Variants in CCSER1 observed in about 807,000 individuals in gnomAD.
The protein encoded by CCSER1 is coiled-coil serine rich protein 1, also known as serine-rich coiled-coil domain-containing protein 1.
A neutral mutation model predicts 82.0 loss-of-function variants in CCSER1; 41 were observed. The ratio of observed to expected loss-of-function variants is 0.50; its 90% confidence interval spans 0.39 to 0.65. CCSER1 has a LOEUF of 0.65. Among genes scored for constraint, CCSER1 ranks in the 30% least tolerant of loss-of-function variants. The pLI, the probability that CCSER1 is intolerant of heterozygous loss-of-function variation, is 0.00. For synonymous variants in CCSER1, 414 were observed against 383.9 expected, an observed-to-expected ratio of 1.08 and a Z score of -0.92; for missense variants, 1,119 against 1,064.2, an observed-to-expected ratio of 1.05 and a Z score of -0.72.
intron 3 of CCSER1, among the ~76,000 whole-genome samples, chr4:90,320,222 GA>G (rs1736894696): frequency 6.6e-6 from 1 of 152,108 alleles, no homozygotes; most frequent in African/African-American, 2.4e-5. Context: ...TAATAAATAT[GA>G]ATAAATTAAA....
intron 9 of CCSER1, among the ~76,000 whole-genome samples, chr4:90,959,681 C>G (rs544894553): frequency 3.1e-5 from 2 of 63,604 alleles, no homozygotes; most frequent in African/African-American, 1.0e-4. Flanking sequence ...CTGGGACTTC[C>G]TAATATATGA....
At chr4:91,534,308 C>A (rs1214684643) in intron 10 of CCSER1, among the ~76,000 whole-genome samples, 1 of 151,968 alleles carries the variant, frequency 6.6e-6, no homozygotes, top group East Asian at 1.9e-4. Context: ...TAATTAAATT[C>A]TTTCCGCTCT....
At chr4:90,743,148 GAATAT>G (rs1746828169) in intron 7 of CCSER1, among the ~76,000 whole-genome samples, 1 of 152,120 alleles carries the variant, frequency 6.6e-6, no homozygotes, top group South Asian at 2.1e-4. Context: ...AATAGCTTAG[GAATAT>G]AATGAATACC....
chr4:90,798,897 C>G (rs899086011), intron 7 of CCSER1, among the ~76,000 whole-genome samples: 2 of 152,154 alleles, frequency 1.3e-5, no homozygotes, highest in Non-Finnish European at 2.9e-5. Context: ...AAGGTGCTTT[C>G]AGACCACAGG....
At chr4:90,723,325 C>G (rs1463945593) in intron 6 of CCSER1, among the ~76,000 whole-genome samples, 1 of 151,872 alleles carries the variant, frequency 6.6e-6, no homozygotes, top group Non-Finnish European at 1.5e-5. Flanking sequence ...CAGGCATTCT[C>G]TTACATTTGT....
At chr4:90,841,577 C>CAAA (rs750390139) in intron 8 of CCSER1, among the ~76,000 whole-genome samples, 603 of 49,764 alleles carry the variant, frequency 0.012, 12 homozygotes, top group African/African-American at 0.039. Context: ...GACTCTGTCT[C>CAAA]AAAAAAAAAA....
chr4:90,744,273 G>A (rs985752539), intron 7 of CCSER1, among the ~76,000 whole-genome samples: 1 of 152,124 alleles, frequency 6.6e-6, no homozygotes, highest in South Asian at 2.1e-4. Context: ...TGTGTTGCCT[G>A]TATGATGAGG....
At chr4:90,398,350 A>T (rs1284499633) in intron 3 of CCSER1, among the ~76,000 whole-genome samples, 1 of 152,226 alleles carries the variant, frequency 6.6e-6, no homozygotes, top group Non-Finnish European at 1.5e-5. Flanking sequence ...ATTAAATCCC[A>T]TGAATTCAAA....
Position 91,397,463 on chromosome 4 carries a change from A to G in CCSER1, c.2218-201109A>G, listed in dbSNP as rs185278806. Reference sequence around the variant, plus strand: ...ATCCCTATGCCTGGGCAACCCATGCATTCTTTATGTTTTTGTAGATTTTCT... The same window carrying G: ...ATCCCTATGCCTGGGCAACCCATGCGTTCTTTATGTTTTTGTAGATTTTCT... On this transcript the variant is annotated intron_variant, in intron 10 of 10. Transcript: ENST00000509176. Among the ~76,000 whole-genome samples the G allele has an allele frequency of 3.9e-5, 6 of 152,216 alleles. No individual in the cohort carries two copies. The East Asian group carries it at 9.7e-4, about 25-fold the overall frequency.
At position 90,480,849 on chromosome 4, in the gene CCSER1, G is replaced by A. The variant is rs149446292; in HGVS notation, c.1724+12495G>A. ...TTTGTTCTTTTGGCTTAGGATTGAC[G>A]TGGCAATGCGGGCTCTTTTTTGGTT... is the stretch of plus-strand genomic sequence containing the variant. On this transcript the variant is annotated intron_variant, in intron 5 of 10. Coordinates refer to ENST00000509176, the MANE Select transcript of CCSER1 (RefSeq NM_001145065.2). 8.9e-3 allele frequency among the ~76,000 whole-genome samples: 1,351 copies of A among 151,770 alleles called. 17 individuals carry two copies. Among genetic ancestry groups the A allele is most frequent in the African/African-American group, 0.028 (1,168 of 41,350 alleles).
chr4:91,266,939 A>G (rs1308427855), intron 10 of CCSER1, among the ~76,000 whole-genome samples: 1 of 152,138 alleles, frequency 6.6e-6, no homozygotes, highest in Non-Finnish European at 1.5e-5. Context: ...AATATTTTGC[A>G]TGCCTGATTC....
intron 1 of CCSER1, among the ~76,000 whole-genome samples, chr4:90,248,841 G>A (rs373334182): frequency 2.6e-4 from 40 of 151,738 alleles, no homozygotes; most frequent in East Asian, 1.8e-3. Flanking sequence ...GGGACCACAG[G>A]TGCACGCCAT....
chr4:90,920,945 A>C (rs947820775), intron 8 of CCSER1, among the ~76,000 whole-genome samples: 2 of 151,856 alleles, frequency 1.3e-5, no homozygotes, highest in Admixed American at 1.3e-4. Flanking sequence ...AATCAATGTG[A>C]AACTGAAAAT....
chr4:90,168,557 A>C lies in CCSER1; in HGVS notation c.-42+40726A>C, dbSNP rs545849397. 5.9e-4 allele frequency among the ~76,000 whole-genome samples: 90 copies of C among 152,290 alleles called. 1 individual carries two copies. Among genetic ancestry groups the C allele is most frequent in the African/African-American group, 1.5e-3 (61 of 41,556 alleles). On this transcript the variant is annotated intron_variant, in intron 1 of 10. Transcript: ENST00000509176. Reference sequence around the variant, plus strand: ...AGACATGAAGTCCTTGCCCATGCCTATGTCCTGAATGGTACTGCCTAGGTT... The same window carrying C: ...AGACATGAAGTCCTTGCCCATGCCTCTGTCCTGAATGGTACTGCCTAGGTT...
At position 90,178,164 on chromosome 4, in the gene CCSER1, G is replaced by A. The variant is rs372058490; in HGVS notation, c.-42+50333G>A. 1.9e-3 allele frequency among the ~76,000 whole-genome samples: 295 copies of A among 152,176 alleles called. 1 individual carries two copies. Among genetic ancestry groups the A allele is most frequent in the African/African-American group, 6.2e-3 (259 of 41,552 alleles). On this transcript the variant is annotated intron_variant, in intron 1 of 10. Transcript: ENST00000509176. ...GTTTACTTTGAAAGTAAAAATTGTT[G>A]TAGTGTGCTCAAGCCTAAACTGCAG...
chr4:91,337,574 T>A (rs1472343612), intron 10 of CCSER1, among the ~76,000 whole-genome samples: 1 of 152,128 alleles, frequency 6.6e-6, no homozygotes, highest in Non-Finnish European at 1.5e-5. Context: ...GACCTGTTTG[T>A]CTGCTGAGTC....
chr4:90,631,466 G>T (rs944147147), intron 6 of CCSER1, among the ~76,000 whole-genome samples: 2 of 152,062 alleles, frequency 1.3e-5, no homozygotes, highest in Non-Finnish European at 2.9e-5. Flanking sequence ...GTTTTTGAGG[G>T]AACATCTTCT....
chr4:91,255,753 T>A (rs1253283347), intron 10 of CCSER1, among the ~76,000 whole-genome samples: 1 of 152,226 alleles, frequency 6.6e-6, no homozygotes, highest in Non-Finnish European at 1.5e-5. Context: ...ATTGTGAAGA[T>A]TTCATGGACA....
rs936379557 is a variant in CCSER1 at position 90,758,891 on chromosome 4, G to A, written c.2010+34900G>A. Among the ~76,000 whole-genome samples, 4 of 152,034 alleles carry A rather than the reference G, an allele frequency of 2.6e-5. No individual in the cohort carries two copies. The South Asian group carries it at 8.3e-4, about 32-fold the overall frequency. On this transcript the variant is annotated intron_variant, in intron 7 of 10. Transcript: ENST00000509176. ...TATATCTCATGGTGATGGCTAAAGG[G>A]GATAATCTGTCTAAGGGGAGAAGGG...
Sources: allele counts gnomAD v4.1 joint callset (sites outside exome capture counted in the v4.1 genomes callset), GRCh38; gene constraint gnomAD v4.1.1; transcripts MANE v1.5; gene names NCBI Gene and HGNC (gene_info 2026-07-23, HGNC 2026-07-21).